SATB2: variants seen among roughly 807,000 people sequenced by gnomAD.
The protein encoded by SATB2 is DNA-binding protein SATB2.
A neutral mutation model predicts 73.4 loss-of-function variants in SATB2; 1 was observed. The observed-to-expected ratio is 0.01, with a 90% CI of 0.00 to 0.06. The LOEUF (loss-of-function observed/expected upper bound fraction) is 0.06, where lower values mean the gene tolerates loss of function less well. Ranked by LOEUF, SATB2 falls within the 10% of genes least tolerant of loss-of-function variation. The pLI, the probability that SATB2 is intolerant of heterozygous loss-of-function variation, is 1.00. For missense variants in SATB2, 459 were observed against 945.8 expected (o/e 0.49, Z 6.75); for synonymous variants, 397 against 367.0 (o/e 1.08, Z -0.93).
At chr2:199,378,006 G>A (rs760505010) in intron 5 of SATB2, among the ~76,000 whole-genome samples, 13 of 152,078 alleles carry the variant, frequency 8.5e-5, no homozygotes, top group Non-Finnish European at 1.5e-4. Flanking sequence ...ACAACCCTCC[G>A]AACTATGTGA....
At chr2:199,369,738 T>C (rs145155653) in intron 5 of SATB2, among the ~76,000 whole-genome samples, 13 of 152,240 alleles carry the variant, frequency 8.5e-5, no homozygotes, top group African/African-American at 2.4e-4. Context: ...TACAAAGTAA[T>C]AGAGATAAAA....
At chr2:199,400,589 C>T (rs1035621724) in intron 3 of SATB2, among the ~76,000 whole-genome samples, 11 of 152,102 alleles carry the variant, frequency 7.2e-5, no homozygotes, top group South Asian at 2.1e-4. Context: ...TTTGCACTTA[C>T]GTAATAATGG....
At chr2:199,399,169 G>A (rs1418296771) in intron 3 of SATB2, among the ~76,000 whole-genome samples, 1 of 152,208 alleles carries the variant, frequency 6.6e-6, no homozygotes, top group Non-Finnish European at 1.5e-5. Context: ...CTACTCGGGA[G>A]GCTGAGGTGG....
intron 10 of SATB2, among the ~76,000 whole-genome samples, chr2:199,292,997 T>A (rs1183329007): frequency 6.6e-6 from 1 of 152,192 alleles, no homozygotes; most frequent in Admixed American, 6.5e-5. Flanking sequence ...TTTTATTTAT[T>A]GTGTATTATT....
intron 2 of SATB2, among the ~76,000 whole-genome samples, chr2:199,450,464 T>C (rs1335093739): frequency 6.6e-6 from 1 of 152,128 alleles, no homozygotes; most frequent in Non-Finnish European, 1.5e-5. Flanking sequence ...TTAAACAATA[T>C]AAAGAATTCT....
chr2:199,432,344 G>A lies in SATB2; in HGVS notation c.346+994C>T, dbSNP rs181484813. Among the ~76,000 whole-genome samples the A allele has an allele frequency of 2.4e-4, 37 of 152,284 alleles. No homozygotes were observed. In the East Asian group the frequency reaches 7.1e-3, roughly 29 times the overall value. On this transcript the variant is annotated intron_variant, in intron 3 of 10. Transcript: ENST00000417098. The stretch of plus-strand genomic sequence containing the variant: ...TTTAAATCCCTTGGTCACCACATCT[G>A]TAACTTTATATCAATGTTTAATCTC...
chr2:199,368,817 A>T, intron 5 of SATB2, 110 bp from the exon 6 acceptor site: 1 of 657,166 alleles, frequency 1.5e-6, no homozygotes, highest in Non-Finnish European at 2.7e-6. Flanking sequence ...TAAACTTAAA[A>T]CAGTCACTCT....
chr2:199,292,128 T>C (rs889607922), intron 10 of SATB2, among the ~76,000 whole-genome samples: 4 of 151,770 alleles, frequency 2.6e-5, no homozygotes, highest in Admixed American at 6.6e-5. Flanking sequence ...TTACCACACA[T>C]AGTGGAGCAA....
chr2:199,296,947 C>T (rs1184495277), intron 10 of SATB2, among the ~76,000 whole-genome samples: 1 of 152,056 alleles, frequency 6.6e-6, no homozygotes, highest in Non-Finnish European at 1.5e-5. Context: ...AGTGTGGGGG[C>T]AATAATCATA....
At chr2:199,403,078 A>G (rs1690529172) in intron 3 of SATB2, among the ~76,000 whole-genome samples, 1 of 152,226 alleles carries the variant, frequency 6.6e-6, no homozygotes, top group Non-Finnish European at 1.5e-5. Flanking sequence ...TAGAATGCAG[A>G]CTTTTAAAAT....
intron 3 of SATB2, among the ~76,000 whole-genome samples, chr2:199,430,314 C>T (rs1013511081): frequency 1.2e-4 from 18 of 152,220 alleles, no homozygotes; most frequent in African/African-American, 3.6e-4. Flanking sequence ...AATGCAGAGA[C>T]GTGTACTCAC....
chr2:199,340,407 C>T (rs1002226518), intron 7 of SATB2, among the ~76,000 whole-genome samples: 1 of 152,178 alleles, frequency 6.6e-6, no homozygotes, highest in African/African-American at 2.4e-5. Flanking sequence ...AACTCTACAA[C>T]TTTTTCAATG....
intron 3 of SATB2, among the ~76,000 whole-genome samples, chr2:199,416,022 T>G (rs1253095283): frequency 2.0e-5 from 3 of 152,190 alleles, no homozygotes; most frequent in African/African-American, 7.2e-5. Context: ...GTCAAAGGCA[T>G]AGGCCTCAGC....
chr2:199,385,015 A>G (rs1161811005), intron 3 of SATB2, among the ~76,000 whole-genome samples: 1 of 152,202 alleles, frequency 6.6e-6, no homozygotes, highest in Non-Finnish European at 1.5e-5. Context: ...AGGAGTATAC[A>G]TCAATGTGTC....
At chr2:199,407,069 C>T (rs1030460822) in intron 3 of SATB2, among the ~76,000 whole-genome samples, 4 of 151,716 alleles carry the variant, frequency 2.6e-5, no homozygotes, top group African/African-American at 9.7e-5. Flanking sequence ...ACCTGTAATC[C>T]CAGCATCTTG....
intron 2 of SATB2, among the ~76,000 whole-genome samples, chr2:199,448,796 T>C (rs1692039422): frequency 6.6e-6 from 1 of 152,130 alleles, no homozygotes; most frequent in African/African-American, 2.4e-5. Context: ...CTCCCCTTAA[T>C]TTTTTGATCT....
At chr2:199,331,132 A>T (rs1023548668) in intron 7 of SATB2, among the ~76,000 whole-genome samples, 2 of 152,070 alleles carry the variant, frequency 1.3e-5, no homozygotes, top group African/African-American at 4.8e-5. Flanking sequence ...TATTGTTCTA[A>T]TGGACCATGG....
rs1322510074 is a variant in SATB2 at position 199,457,773 on chromosome 2, C to G, written c.-494G>C. The G allele has an allele frequency of 6.3e-6, 1 of 158,038 alleles. No individual in the cohort carries two copies. Among genetic ancestry groups the G allele is most frequent in the Non-Finnish European group, 1.4e-5 (1 of 72,346 alleles). 9.8% of individuals were successfully genotyped at this position (158,038 alleles called of 1,614,324 possible). A position where few individuals can be genotyped will look rare whatever the true frequency, so the allele number is the denominator to read the frequency against. On this transcript the variant is annotated 5_prime_UTR_variant, in exon 1 of 11. Coordinates refer to ENST00000417098, the MANE Select transcript of SATB2 (RefSeq NM_001172509.2). The surrounding 1 kb of genome is among the most constrained non-coding windows in gnomAD (Gnocchi z 4.8). ...CCGGGGCTGCTGGTTCGCAGGGCGG[C>G]TAGCTCGCGAGGAGGCGCGGCCAGA...
At position 199,419,536 on chromosome 2, in the gene SATB2, T is replaced by A. The variant is rs1017550600; in HGVS notation, c.346+13802A>T. 4.6e-5 allele frequency among the ~76,000 whole-genome samples: 7 copies of A among 152,330 alleles called. No homozygotes were observed. The South Asian group carries it at 1.2e-3, about 27-fold the overall frequency. On this transcript the variant is annotated intron_variant, in intron 3 of 10. Transcript: ENST00000417098. ...TTGGCTTTCTTGACAGCATGTTTTT[T>A]AAAAATTTTAGCATGGGTTATAAAT...
Sources: allele counts gnomAD v4.1 joint callset (sites outside exome capture counted in the v4.1 genomes callset), GRCh38; gene constraint gnomAD v4.1.1; non-coding constraint Gnocchi (gnomAD v3.1); transcripts MANE v1.5; gene names NCBI Gene and HGNC (gene_info 2026-07-23, HGNC 2026-07-21).